Variants in NFIB observed in about 807,000 individuals in gnomAD.
NFIB encodes nuclear factor 1 B-type.
In NFIB, 11 loss-of-function variants were observed where a neutral mutation model predicts 61.5. The observed-to-expected ratio is 0.18, with a 90% CI of 0.11 to 0.30. NFIB has a LOEUF of 0.30. Ranked by LOEUF, NFIB falls within the 10% of genes least tolerant of loss-of-function variation. NFIB has a pLI of 1.00. For synonymous variants in NFIB, 260 were observed against 216.5 expected (o/e 1.20, Z -1.76); for missense variants, 471 against 608.9 (o/e 0.77, Z 2.38).
chr9:14,424,920 G>A, the NFIB span, among the ~76,000 whole-genome samples: 2 of 152,128 alleles, frequency 1.3e-5, no homozygotes, highest in African/African-American at 4.8e-5. Flanking sequence ...GGCAACATTA[G>A]GAGGATAATC....
At chr9:14,224,222 C>T (rs2131858965) in intron 2 of NFIB, among the ~76,000 whole-genome samples, 1 of 152,282 alleles carries the variant, frequency 6.6e-6, no homozygotes, top group South Asian at 2.1e-4. Flanking sequence ...GAAAATTGTG[C>T]CATCATTTGC....
At chr9:14,475,885 A>G in the NFIB span, among the ~76,000 whole-genome samples, 5 of 152,156 alleles carry the variant, frequency 3.3e-5, no homozygotes, top group Non-Finnish European at 7.4e-5. Context: ...CAGCTACAAT[A>G]CCACTGGGGA....
chr9:14,372,491 G>A (rs959648214), intron 1 of NFIB, among the ~76,000 whole-genome samples: 3 of 152,118 alleles, frequency 2.0e-5, no homozygotes, highest in Non-Finnish European at 4.4e-5. Flanking sequence ...GCACTTTGAT[G>A]TTCTTTTTCT....
intron 1 of NFIB, among the ~76,000 whole-genome samples, chr9:14,392,747 G>A (rs1324311251): frequency 2.0e-5 from 3 of 151,962 alleles, no homozygotes; most frequent in African/African-American, 7.3e-5. Flanking sequence ...AGATTATTAA[G>A]AAAAATGGTT....
the NFIB span, among the ~76,000 whole-genome samples, chr9:14,518,148 T>C: frequency 6.6e-6 from 1 of 152,222 alleles, no homozygotes; most frequent in South Asian, 2.1e-4. Context: ...CTATATGCCA[T>C]TGGAAATATG....
chr9:14,246,190 T>A (rs1222194674), intron 2 of NFIB, among the ~76,000 whole-genome samples: 3 of 151,964 alleles, frequency 2.0e-5, no homozygotes, highest in Non-Finnish European at 4.4e-5. Flanking sequence ...CCAGACCTAA[T>A]TTTAACACTT....
chr9:14,324,516 C>A lies in NFIB; in HGVS notation c.109-16996G>T, dbSNP rs549234975. Among the ~76,000 whole-genome samples the A allele has an allele frequency of 3.3e-4, 50 of 152,192 alleles. No individual in the cohort carries two copies. The South Asian group carries it at 8.9e-3, about 27-fold the overall frequency. ...CAGAATTACCAATCCCTCCCAATGTCATTACATGCAAAGGAGAAAGGACAT... is the reference window on the plus strand; with the variant it reads ...CAGAATTACCAATCCCTCCCAATGTAATTACATGCAAAGGAGAAAGGACAT... On this transcript the variant is annotated intron_variant, in intron 1 of 8. Transcript: ENST00000380934.
intron 1 of NFIB, among the ~76,000 whole-genome samples, chr9:14,374,076 G>A (rs1389633383): frequency 6.6e-6 from 1 of 152,196 alleles, no homozygotes; most frequent in Non-Finnish European, 1.5e-5. Flanking sequence ...AACTTCGAAT[G>A]TCAGGGTTTT....
At chr9:14,509,871 GA>G in the NFIB span, among the ~76,000 whole-genome samples, 1 of 152,092 alleles carries the variant, frequency 6.6e-6, no homozygotes. Context: ...TGGAGTTTAT[GA>G]AGACTCATTT....
chr9:14,199,401 A>G (rs1390610129), intron 2 of NFIB, among the ~76,000 whole-genome samples: 1 of 152,210 alleles, frequency 6.6e-6, no homozygotes, highest in Non-Finnish European at 1.5e-5. Flanking sequence ...ACAGCCGGCT[A>G]CAGTGTACAT....
intron 2 of NFIB, among the ~76,000 whole-genome samples, chr9:14,270,516 G>A: frequency 8.4e-6 from 1 of 118,542 alleles, no homozygotes; most frequent in Non-Finnish European, 1.6e-5. Flanking sequence ...AAAGAAAAAT[G>A]AGATTACAGA....
chr9:14,417,189 C>T, the NFIB span, among the ~76,000 whole-genome samples: 3 of 152,100 alleles, frequency 2.0e-5, no homozygotes, highest in Admixed American at 2.0e-4. Context: ...CCACACCCGG[C>T]CTTAAATCTT....
the NFIB span, among the ~76,000 whole-genome samples, chr9:14,462,176 AGT>A: frequency 6.6e-6 from 1 of 152,258 alleles, no homozygotes; most frequent in Non-Finnish European, 1.5e-5. Flanking sequence ...ATACACAATC[AGT>A]GTTTCAGTCT....
At chr9:14,303,017 T>C (rs529940444) in intron 2 of NFIB, among the ~76,000 whole-genome samples, 1 of 152,368 alleles carries the variant, frequency 6.6e-6, no homozygotes, top group Admixed American at 6.5e-5. Flanking sequence ...AACAGTGTGG[T>C]GCAGAATCGA....
chr9:14,231,135 A>AATATAT lies in NFIB; in HGVS notation c.563-51361_563-51356dup, dbSNP rs1554681460. On this transcript the variant is annotated intron_variant, in intron 2 of 10. Transcript: ENST00000380953. ...TTTCCATGGGGAAAAAAAAAAAAAAAATATATATATATATATATATATATA... is the reference window on the plus strand; with the variant it reads ...TTTCCATGGGGAAAAAAAAAAAAAAAATATATATATATATATATATATATATATATA... Among the ~76,000 whole-genome samples, 100 of 35,336 alleles carry AATATAT rather than the reference A, an allele frequency of 2.8e-3. 3 individuals are homozygous for AATATAT. Among genetic ancestry groups the AATATAT allele is most frequent in the South Asian group, 0.022 (12 of 552 alleles). 23.2% of individuals were successfully genotyped at this position (35,336 alleles called of 152,430 possible). A position where few individuals can be genotyped will look rare whatever the true frequency, so the allele number is the denominator to read the frequency against.
At chr9:14,306,119 T>C (rs919754918) in intron 2 of NFIB, 79 of 412,728 alleles carry the variant, frequency 1.9e-4, no homozygotes, top group Non-Finnish European at 2.5e-4. Context: ...TTAGGTAAAA[T>C]GTATACCATT....
chr9:14,253,776 G>C (rs1177418020), intron 2 of NFIB, among the ~76,000 whole-genome samples: 1 of 152,140 alleles, frequency 6.6e-6, no homozygotes, highest in East Asian at 1.9e-4. Context: ...TATCTTTGCG[G>C]AATTGTTACA....
the NFIB span, among the ~76,000 whole-genome samples, chr9:14,454,404 G>C: frequency 6.6e-6 from 1 of 152,212 alleles, no homozygotes; most frequent in Non-Finnish European, 1.5e-5. Flanking sequence ...ATGTTTGAAT[G>C]ACATCAAGTT....
At chr9:14,426,196 T>G in the NFIB span, among the ~76,000 whole-genome samples, 1 of 149,474 alleles carries the variant, frequency 6.7e-6, no homozygotes, top group Non-Finnish European at 1.5e-5. Flanking sequence ...AGAAAAAAAA[T>G]CAGAGCGCTC....
Sources: gnomAD v4.1 joint callset for allele counts (sites outside exome capture counted in the v4.1 genomes callset) on GRCh38, gnomAD v4.1.1 for gene constraint, MANE v1.5 for transcripts, NCBI Gene and HGNC (gene_info 2026-07-23, HGNC 2026-07-21) for gene names.